Variants in RERG observed in about 807,000 individuals in gnomAD.
RERG encodes the protein RAS like estrogen regulated growth inhibitor.
A neutral mutation model predicts 23.2 loss-of-function variants in RERG; 25 were observed. That is an observed-to-expected ratio of 1.08 (90% CI 0.79 to 1.50). The LOEUF (loss-of-function observed/expected upper bound fraction) is 1.50, where lower values mean the gene tolerates loss of function less well. RERG is among the 40% of genes most tolerant of loss of function. The pLI, the probability that RERG is intolerant of heterozygous loss-of-function variation, is 0.00. For missense variants in RERG, 253 were observed against 250.1 expected (o/e 1.01, Z -0.08); for synonymous variants, 81 against 89.1 (o/e 0.91, Z 0.51).
intron 2 of RERG, among the ~76,000 whole-genome samples, chr12:15,174,162 A>C (rs1317252962): frequency 6.6e-6 from 1 of 151,810 alleles, no homozygotes; most frequent in African/African-American, 2.4e-5. Flanking sequence ...TTTTTCCTTC[A>C]TTTTTGACAT....
At chr12:15,115,527 C>A (rs1053855813) in intron 3 of RERG, among the ~76,000 whole-genome samples, 1 of 152,116 alleles carries the variant, frequency 6.6e-6, no homozygotes, top group African/African-American at 2.4e-5. Context: ...CTCCCACACA[C>A]TAATAATAGC....
At chr12:15,212,629 G>C (rs1267992753) in intron 2 of RERG, among the ~76,000 whole-genome samples, 1 of 152,028 alleles carries the variant, frequency 6.6e-6, no homozygotes, top group African/African-American at 2.4e-5. Context: ...TCTGAGGAAG[G>C]GGAAAAATTG....
intron 3 of RERG, among the ~76,000 whole-genome samples, chr12:15,112,148 A>T (rs1327730610): frequency 6.6e-6 from 1 of 152,232 alleles, no homozygotes; most frequent in Non-Finnish European, 1.5e-5. Context: ...TGTTTCTAAC[A>T]AGATAACATA....
intron 2 of RERG, among the ~76,000 whole-genome samples, chr12:15,191,711 C>T (rs1366400618): frequency 1.3e-5 from 2 of 152,254 alleles, no homozygotes; most frequent in Middle Eastern, 3.4e-3. Flanking sequence ...TAAAGACATC[C>T]CTATCATTTA....
intron 2 of RERG, among the ~76,000 whole-genome samples, chr12:15,210,826 G>C: frequency 6.6e-6 from 1 of 152,130 alleles, no homozygotes; most frequent in Non-Finnish European, 1.5e-5. Flanking sequence ...GCAGGTAAAG[G>C]AAGATACAAA....
intron 2 of RERG, among the ~76,000 whole-genome samples, chr12:15,172,301 T>C: frequency 6.6e-6 from 1 of 152,178 alleles, no homozygotes; most frequent in East Asian, 1.9e-4. Flanking sequence ...TGTTATAGCA[T>C]GTTTGAGTAA....
intron 2 of RERG, among the ~76,000 whole-genome samples, chr12:15,186,191 G>C (rs1864987302): frequency 6.6e-6 from 1 of 151,528 alleles, no homozygotes; most frequent in South Asian, 2.1e-4. Flanking sequence ...CATTATTTCA[G>C]AGGATACCCA....
chr12:15,204,565 A>G (rs1207736697), intron 2 of RERG, among the ~76,000 whole-genome samples: 2 of 151,794 alleles, frequency 1.3e-5, no homozygotes, highest in Non-Finnish European at 3.0e-5. Flanking sequence ...AAGATAATAC[A>G]ATTTTGAAAT....
Position 15,133,146 on chromosome 12 carries a change from G to T in RERG, c.62-12027C>A, listed in dbSNP as rs538982556. Among the ~76,000 whole-genome samples, 504 of 125,184 alleles carry T rather than the reference G, an allele frequency of 4.0e-3. 11 individuals carry two copies. The East Asian group carries it at 0.05, about 12-fold the overall frequency. The allele number at this position is 125,184 out of a possible 152,430, so 82.1% of individuals were successfully genotyped here. ...CTCTTGGGGTTGTATATCCTGTGGA[G>T]ATATATATATATATATATATATATA... is the stretch of plus-strand genomic sequence containing the variant. On this transcript the variant is annotated intron_variant, in intron 2 of 4. Transcript: ENST00000256953.
chr12:15,185,553 C>T (rs1864978530), intron 2 of RERG, among the ~76,000 whole-genome samples: 1 of 152,054 alleles, frequency 6.6e-6, no homozygotes, highest in Non-Finnish European at 1.5e-5. Flanking sequence ...AAAGTAATTG[C>T]GTCATTTTTT....
intron 2 of RERG, among the ~76,000 whole-genome samples, chr12:15,209,757 T>C (rs1865341981): frequency 6.6e-6 from 1 of 152,156 alleles, no homozygotes; most frequent in Non-Finnish European, 1.5e-5. Flanking sequence ...TTTTCTAATA[T>C]AAAATATCTG....
chr12:15,173,126 A>G (rs1864799081), intron 2 of RERG, among the ~76,000 whole-genome samples: 1 of 152,058 alleles, frequency 6.6e-6, no homozygotes, highest in Non-Finnish European at 1.5e-5. Flanking sequence ...TTTTAGGTCT[A>G]TAATCCATTT....
intron 2 of RERG, among the ~76,000 whole-genome samples, chr12:15,192,783 A>G (rs531972406): frequency 1.3e-5 from 2 of 152,238 alleles, no homozygotes; most frequent in East Asian, 3.9e-4. Context: ...CGTGACCTTA[A>G]CACTTTTAAA....
At chr12:15,121,835 A>T (rs1441885532) in intron 2 of RERG, among the ~76,000 whole-genome samples, 1 of 152,196 alleles carries the variant, frequency 6.6e-6, no homozygotes, top group South Asian at 2.1e-4. Flanking sequence ...AAGGATCTGA[A>T]TCCAGGAAGT....
In RERG at chr12:15,148,887, T is replaced by TTTTTTTTTG. The variant is rs1156302513; in HGVS notation, c.62-27769_62-27768insCAAAAAAAA. 4.7e-4 allele frequency among the ~76,000 whole-genome samples: 33 copies of TTTTTTTTTG among 69,500 alleles called. 10 individuals are homozygous for TTTTTTTTTG. Among genetic ancestry groups the TTTTTTTTTG allele is most frequent in the Non-Finnish European group, 7.0e-4 (23 of 32,656 alleles). The allele number at this position is 69,500 out of a possible 152,430, so 45.6% of individuals were successfully genotyped here. Reference sequence around the variant, plus strand: ...TTTTTTTTTTTTTTTTTTTTTTTTTTAGACAGAGTCTAGCTCTGTCACCCA... The same window carrying TTTTTTTTTG: ...TTTTTTTTTTTTTTTTTTTTTTTTTTTTTTTTTTGAGACAGAGTCTAGCTCTGTCACCCA... On this transcript the variant is annotated intron_variant, in intron 2 of 4. Coordinates refer to ENST00000256953, the MANE Select transcript of RERG (RefSeq NM_032918.3).
intron 2 of RERG, among the ~76,000 whole-genome samples, chr12:15,182,209 C>T (rs1864933912): frequency 6.6e-6 from 1 of 152,090 alleles, no homozygotes; most frequent in African/African-American, 2.4e-5. Flanking sequence ...CAGGCATGTG[C>T]CACCATGCCT....
At chr12:15,142,896 C>G (rs2136103014) in intron 2 of RERG, among the ~76,000 whole-genome samples, 1 of 152,308 alleles carries the variant, frequency 6.6e-6, no homozygotes, top group South Asian at 2.1e-4. Flanking sequence ...AAGCACACAA[C>G]TTAGCCAGCT....
intron 3 of RERG, among the ~76,000 whole-genome samples, chr12:15,120,032 C>T (rs566722019): frequency 2.0e-5 from 3 of 152,006 alleles, no homozygotes; most frequent in Admixed American, 6.6e-5. Flanking sequence ...CTGGTGTAAA[C>T]AATTCAACAT....
chr12:15,146,064 C>T (rs1864327062), intron 2 of RERG, among the ~76,000 whole-genome samples: 1 of 152,136 alleles, frequency 6.6e-6, no homozygotes, highest in Non-Finnish European at 1.5e-5. Context: ...CTAGATTTCT[C>T]CTAGCTCTGT....
Sources: gnomAD v4.1 joint callset for allele counts (sites outside exome capture counted in the v4.1 genomes callset) on GRCh38, gnomAD v4.1.1 for gene constraint, MANE v1.5 for transcripts, NCBI Gene and HGNC (gene_info 2026-07-23, HGNC 2026-07-21) for gene names.